NOS1AP: variants seen among roughly 807,000 people sequenced by gnomAD.
NOS1AP encodes carboxyl-terminal PDZ ligand of neuronal nitric oxide synthase protein.
Under a neutral mutation model 56.2 loss-of-function variants are expected in NOS1AP, and 21 were observed. That is an observed-to-expected ratio of 0.37 (90% CI 0.26 to 0.54). The LOEUF (loss-of-function observed/expected upper bound fraction) is 0.54. NOS1AP is among the 20% of genes least tolerant of loss of function. NOS1AP has a pLI of 0.84. For synonymous variants in NOS1AP, 270 were observed against 274.6 expected (o/e 0.98, Z 0.17); for missense variants, 522 against 657.8 (o/e 0.79, Z 2.26).
chr1:162,254,811 A>G (rs1194644276), intron 2 of NOS1AP, among the ~76,000 whole-genome samples: 1 of 152,218 alleles, frequency 6.6e-6, no homozygotes, highest in Admixed American at 6.5e-5. Context: ...AATCTGTGGT[A>G]TGGGTGGTGT....
intron 2 of NOS1AP, among the ~76,000 whole-genome samples, chr1:162,258,858 C>T (rs1654117852): frequency 6.6e-6 from 1 of 152,116 alleles, no homozygotes; most frequent in African/African-American, 2.4e-5. Flanking sequence ...GATACAGAGT[C>T]CATAACAAAT....
chr1:162,122,671 C>T (rs1442725153), intron 1 of NOS1AP, among the ~76,000 whole-genome samples: 3 of 151,948 alleles, frequency 2.0e-5, no homozygotes, highest in Non-Finnish European at 4.4e-5. Flanking sequence ...CCATGCCTAG[C>T]TAATTTTTTT....
chr1:162,339,806 C>A (rs189521218), intron 5 of NOS1AP, among the ~76,000 whole-genome samples: 1 of 152,190 alleles, frequency 6.6e-6, no homozygotes, highest in Non-Finnish European at 1.5e-5. Flanking sequence ...CAGGCAGGAG[C>A]CAGCATGGCT....
chr1:162,193,613 C>G (rs1442344954), intron 2 of NOS1AP, among the ~76,000 whole-genome samples: 1 of 152,098 alleles, frequency 6.6e-6, no homozygotes, highest in Non-Finnish European at 1.5e-5. Flanking sequence ...GAATAGCAGC[C>G]AAGAGACTCT....
rs539166713 is a variant in NOS1AP, at chr1:162,203,175, A to G, written c.177+48699A>G. Among the ~76,000 whole-genome samples, 100 of 152,082 alleles carry G rather than the reference A, an allele frequency of 6.6e-4. 1 individual carries two copies. The highest frequency in any genetic ancestry group is 1.1e-3 in the Admixed American group (17 of 15,278). ...CATAAAAAAGGCTGTTTTTTTCCCT[A>G]TGAAATCTCTTATTAGATGAAGGAG... On this transcript the variant is annotated intron_variant, in intron 2 of 9. Transcript: ENST00000361897.
chr1:162,211,732 T>C (rs1172157138), intron 2 of NOS1AP, among the ~76,000 whole-genome samples: 1 of 152,118 alleles, frequency 6.6e-6, no homozygotes, highest in Non-Finnish European at 1.5e-5. Flanking sequence ...CCACTTTCCT[T>C]CCTCTCTCTG....
intron 1 of NOS1AP, among the ~76,000 whole-genome samples, chr1:162,114,422 C>A (rs938791059): frequency 8.6e-5 from 13 of 151,916 alleles, no homozygotes; most frequent in Non-Finnish European, 1.5e-4. Context: ...GTCCTTGAGG[C>A]CTTTTGACTG....
chr1:162,214,113 T>C (rs6677606), intron 2 of NOS1AP, among the ~76,000 whole-genome samples: 22,685 of 152,176 alleles, frequency 0.15, 2,080 homozygotes, highest in African/African-American at 0.25. Context: ...TATATAAAAT[T>C]GAATTCAATT....
chr1:162,285,573 G>A (rs1175004450), intron 2 of NOS1AP, among the ~76,000 whole-genome samples: 1 of 151,266 alleles, frequency 6.6e-6, no homozygotes, highest in Non-Finnish European at 1.5e-5. Flanking sequence ...ATATGGCTGA[G>A]GTCCTGTCCT....
intron 1 of NOS1AP, among the ~76,000 whole-genome samples, chr1:162,085,366 C>T (rs1447015819): frequency 6.6e-6 from 1 of 152,006 alleles, no homozygotes; most frequent in Admixed American, 6.6e-5. Flanking sequence ...TTGGGAGCCT[C>T]CCCAGATAAT....
chr1:162,320,048 C>T (rs914183921), intron 4 of NOS1AP, among the ~76,000 whole-genome samples: 7 of 152,098 alleles, frequency 4.6e-5, no homozygotes, highest in East Asian at 1.9e-4. Context: ...TTCCTCTGTC[C>T]GCACTTGCCA....
intron 8 of NOS1AP, among the ~76,000 whole-genome samples, chr1:162,358,812 T>C (rs1012799303): frequency 6.6e-6 from 1 of 152,256 alleles, no homozygotes; most frequent in African/African-American, 2.4e-5. Context: ...GCTTGATGCA[T>C]ATTCATGATA....
intron 2 of NOS1AP, among the ~76,000 whole-genome samples, chr1:162,155,296 AT>A (rs1649909203): frequency 1.4e-5 from 2 of 145,158 alleles, no homozygotes; most frequent in African/African-American, 5.0e-5. Context: ...ATACATATAT[AT>A]GTATATGTAT....
intron 2 of NOS1AP, among the ~76,000 whole-genome samples, chr1:162,156,756 A>G (rs1649992736): frequency 6.6e-6 from 1 of 152,080 alleles, no homozygotes; most frequent in Admixed American, 6.5e-5. Context: ...TATTGAAATA[A>G]TATTTTATTA....
At chr1:162,113,231 T>TG (rs1368443623) in intron 1 of NOS1AP, among the ~76,000 whole-genome samples, 1 of 152,074 alleles carries the variant, frequency 6.6e-6, no homozygotes, top group Non-Finnish European at 1.5e-5. Context: ...AAGCAGGTTA[T>TG]GGGGGATGTT....
chr1:162,260,892 A>G (rs1271787438), intron 2 of NOS1AP, among the ~76,000 whole-genome samples: 1 of 152,164 alleles, frequency 6.6e-6, no homozygotes, highest in Non-Finnish European at 1.5e-5. Context: ...TGTGGTTACA[A>G]GGTAATGAAG....
intron 2 of NOS1AP, among the ~76,000 whole-genome samples, chr1:162,277,598 C>CT (rs1288432496): frequency 2.6e-5 from 4 of 152,194 alleles, no homozygotes; most frequent in Admixed American, 2.6e-4. Context: ...CCTAAGCGTA[C>CT]TATGGGGAAA....
intron 1 of NOS1AP, among the ~76,000 whole-genome samples, chr1:162,120,001 G>A (rs1397988818): frequency 1.3e-5 from 2 of 152,242 alleles, no homozygotes; most frequent in Admixed American, 6.5e-5. Flanking sequence ...CTTTGGTGCT[G>A]CTGGTGGGAG....
At chr1:162,236,689 G>A (rs1571150216) in intron 2 of NOS1AP, among the ~76,000 whole-genome samples, 2 of 152,134 alleles carry the variant, frequency 1.3e-5, no homozygotes, top group African/African-American at 4.8e-5. Context: ...GGGGGCAGGT[G>A]TATTCCTGCA....
Sources: gnomAD v4.1 joint callset for allele counts (sites outside exome capture counted in the v4.1 genomes callset) on GRCh38, gnomAD v4.1.1 for gene constraint, MANE v1.5 for transcripts, NCBI Gene and HGNC (gene_info 2026-07-23, HGNC 2026-07-21) for gene names.